PTCH1: variants seen among roughly 807,000 people sequenced by gnomAD.
PTCH1 encodes protein patched homolog 1.
A neutral mutation model predicts 144.6 loss-of-function variants in PTCH1; 14 were observed. That is an observed-to-expected ratio of 0.10 (90% confidence interval 0.06 to 0.15). The LOEUF (loss-of-function observed/expected upper bound fraction) is 0.15. Among genes scored for constraint, PTCH1 ranks in the 10% least tolerant of loss-of-function variants. The probability of loss-of-function intolerance (pLI) is 1.00; values close to 1 mark genes in which losing one functional copy is unlikely to be tolerated. For synonymous variants in PTCH1, 833 were observed against 793.6 expected, an observed-to-expected ratio of 1.05 and a Z score of -0.83; for missense variants, 1,623 against 1,948.3, an observed-to-expected ratio of 0.83 and a Z score of 3.14.
At chr9:95,506,699 T>A in intron 1 of PTCH1, 100 bp from the exon 2 acceptor site, 2 of 1,045,758 alleles carry the variant, frequency 1.9e-6, no homozygotes, top group Non-Finnish European at 2.5e-6. Flanking sequence ...CCAACAGCCG[T>A]GGGGGCGCGG....
intron 18 of PTCH1, among the ~76,000 whole-genome samples, chr9:95,457,693 T>C (rs1229050652): frequency 6.6e-6 from 1 of 152,190 alleles, no homozygotes. Context: ...ATGACACTTT[T>C]CAATTAAAGA....
At chr9:95,506,692 A>ACAGC in intron 1 of PTCH1, 93 bp from the exon 2 acceptor site, 5 of 1,084,862 alleles carry the variant, frequency 4.6e-6, no homozygotes, top group Non-Finnish European at 6.1e-6. Flanking sequence ...TGAGCCCCCA[A>ACAGC]CAGCCGTGGG....
At chr9:95,515,026 G>A (rs1220581943) in intron 1 of PTCH1, among the ~76,000 whole-genome samples, 1 of 152,092 alleles carries the variant, frequency 6.6e-6, no homozygotes, top group African/African-American at 2.4e-5. Flanking sequence ...ACTCACAATC[G>A]AAAGCCCCTT....
At chr9:95,485,906 GC>G (rs1564063500) in intron 2 of PTCH1, 32 bp from the exon 3 acceptor site, 6 of 1,610,758 alleles carry the variant, frequency 3.7e-6, no homozygotes, top group Non-Finnish European at 5.1e-6. Flanking sequence ...AATTAGAATA[GC>G]AAAATCACTG....
Position 95,508,735 on chromosome 9 carries a change from A to G in PTCH1, c.-374T>C, listed in dbSNP as rs1843961484. 3 of 984,154 alleles carry G rather than the reference A, an allele frequency of 3.0e-6. No homozygotes were observed. Among genetic ancestry groups the G allele is most frequent in the Non-Finnish European group, 3.6e-6 (3 of 829,618 alleles). The allele number at this position is 984,154 out of a possible 1,614,324, so 61.0% of individuals were successfully genotyped here. On this transcript the variant is annotated 5_prime_UTR_variant, in exon 1 of 24. Transcript: ENST00000331920. ...TTCCGCGGCACTCCTTGCGGTCCCC[A>G]ACTCCCCCTACCCGCCCCCCGCCCC...
chr9:95,502,811 CA>C (rs1420043732), intron 2 of PTCH1, among the ~76,000 whole-genome samples: 11 of 152,122 alleles, frequency 7.2e-5, no homozygotes, highest in African/African-American at 2.4e-4. Context: ...TTTATAAAGC[CA>C]ACTCTTTATA....
chr9:95,514,903 G>A (rs1364173403), intron 1 of PTCH1, among the ~76,000 whole-genome samples: 2 of 152,080 alleles, frequency 1.3e-5, no homozygotes, highest in East Asian at 1.9e-4. Context: ...TGAGAATGGC[G>A]GGGCCTATTG....
rs1843992056 is a variant in PTCH1, at chr9:95,509,058, T to C, written c.-697A>G. 6.6e-6 allele frequency among the ~76,000 whole-genome samples: 1 copy of C among 152,020 alleles called. No individual in the cohort carries two copies. The highest frequency in any genetic ancestry group is 1.5e-5 in the Non-Finnish European group (1 of 67,968). On this transcript the variant is annotated 5_prime_UTR_variant, in exon 1 of 24. Transcript: ENST00000331920. ...GCGGTGGCTGCTCGGTCCCGGACTC[T>C]GCTTTCTTGTGCTCCTCGGCAACCC... is the stretch of plus-strand genomic sequence containing the variant.
At chr9:95,480,839 T>G (rs1272136124) in intron 5 of PTCH1, among the ~76,000 whole-genome samples, 3 of 152,204 alleles carry the variant, frequency 2.0e-5, no homozygotes, top group African/African-American at 7.2e-5. Context: ...TGAATAATCT[T>G]TAATTGCTGA....
At position 95,458,052 on chromosome 9, in the gene PTCH1, G is replaced by C. The variant is rs746220311; in HGVS notation, c.3129C>G (p.Cys1043Trp). The change falls in exon 18 of 24, where the codon TGC becomes TGG. Residue 1043 changes from cysteine (C) to tryptophan (W), a missense_variant. Coordinates refer to ENST00000331920, the MANE Select transcript of PTCH1 (RefSeq NM_000264.5). The surrounding 1 kb of genome is among the most constrained non-coding windows in gnomAD (Gnocchi z 4.7). ...SVVLACTFLV[C>W]AVFLLNPWTA... is the part of the protein sequence containing the mutation. ...TCCAGGGGTTCAGAAGGAAGACAGC[G>C]CACACGAGGAATGTGCAGGCCAACA... is the stretch of plus-strand genomic sequence containing the variant. The C allele has an allele frequency of 6.2e-7, 1 of 1,614,142 alleles. No individual in the cohort carries two copies. Among genetic ancestry groups the C allele is most frequent in the African/African-American group, 1.3e-5 (1 of 75,044 alleles).
rs755460314 is a variant in PTCH1, at chr9:95,456,143, G to A, written c.3306+133C>T. The A allele has an allele frequency of 6.7e-6, 9 of 1,344,218 alleles. No individual in the cohort carries two copies. In the Admixed American group the frequency reaches 1.2e-4, roughly 18 times the overall value. The allele number at this position is 1,344,218 out of a possible 1,614,324, so 83.3% of individuals were successfully genotyped here. A position where few individuals can be genotyped will look rare whatever the true frequency, so the allele number is the denominator to read the frequency against. ...TCCAGAAATCTTGCAGGCTCTCCTA[G>A]GGGGCCCCTGTGCCCTGAGGCCTTT... On this transcript the variant is annotated intron_variant, in intron 19 of 23. Transcript: ENST00000331920.
At chr9:95,464,106 G>A (rs1016707368) in intron 15 of PTCH1, among the ~76,000 whole-genome samples, 8 of 152,218 alleles carry the variant, frequency 5.3e-5, no homozygotes, top group African/African-American at 1.9e-4. Context: ...AATCCACACT[G>A]CTGGTCACTT....
intron 1 of PTCH1, chr9:95,507,228 C>T: frequency 1.0e-6 from 1 of 985,524 alleles, no homozygotes; most frequent in Non-Finnish European, 1.2e-6. Context: ...CTGCAACTTA[C>T]GACAATATTT....
At chr9:95,502,978 T>TAC (rs1218909758) in intron 2 of PTCH1, among the ~76,000 whole-genome samples, 1 of 152,182 alleles carries the variant, frequency 6.6e-6, no homozygotes, top group South Asian at 2.1e-4. Context: ...ACAATGTGCA[T>TAC]ACACACACAC....
At position 95,508,851 on chromosome 9, in the gene PTCH1, C is replaced by T; in HGVS notation, c.-490G>A. 1.0e-6 allele frequency: 1 copy of T among 983,350 alleles called. No homozygotes were observed. Among genetic ancestry groups the T allele is most frequent in the Non-Finnish European group, 1.2e-6 (1 of 829,018 alleles). The allele number at this position is 983,350 out of a possible 1,614,324, so 60.9% of individuals were successfully genotyped here. On this transcript the variant is annotated 5_prime_UTR_variant, in exon 1 of 24. Coordinates refer to ENST00000331920, the MANE Select transcript of PTCH1 (RefSeq NM_000264.5). ...CTCTCTCGGCGCCTCCCGGGTCGCCCGAGCGGCCGCGGAGGGCAAGCGCAG... is the reference window on the plus strand; with the variant it reads ...CTCTCTCGGCGCCTCCCGGGTCGCCTGAGCGGCCGCGGAGGGCAAGCGCAG...
rs1001818327 is a variant in PTCH1 at position 95,476,237 on chromosome 9, G to A, written c.1603-78C>T. The stretch of plus-strand genomic sequence containing the variant: ...GAGCACAGACTGTGTGAGCAGATAC[G>A]TGGCAGAATAACACAACTGTTATTA... On this transcript the variant is annotated intron_variant, in intron 11 of 23. Coordinates refer to ENST00000331920, the MANE Select transcript of PTCH1 (RefSeq NM_000264.5). This position sits in a 1 kb window ranked among gnomAD's most constrained non-coding sequence, Gnocchi z 4.6. 15 of 1,552,238 alleles carry A rather than the reference G, an allele frequency of 9.7e-6. No individual in the cohort carries two copies. Among genetic ancestry groups the A allele is most frequent in the East Asian group, 2.4e-5 (1 of 42,042 alleles).
rs549164233 is a variant in PTCH1 at position 95,458,025 on chromosome 9, C to T, written c.3156G>A (p.Thr1052=). The T allele has an allele frequency of 5.0e-6, 8 of 1,614,106 alleles. No homozygotes were observed. Among genetic ancestry groups the T allele is most frequent in the Admixed American group, 1.7e-5 (1 of 60,028 alleles). The change falls in exon 18 of 24, where the codon ACG becomes ACA. Residue 1052 remains threonine (T), a synonymous_variant. Transcript: ENST00000331920. The surrounding 1 kb of genome is among the most constrained non-coding windows in gnomAD (Gnocchi z 4.7). ...VCAVFLLNPW[T]AGIIVMVLAL... ...ATAATACACTCACAATGATCCCGGC[C>T]GTCCAGGGGTTCAGAAGGAAGACAG...
chr9:95,510,993 G>C (rs1005576512), upstream of PTCH1, among the ~76,000 whole-genome samples: 5 of 149,982 alleles, frequency 3.3e-5, no homozygotes, highest in Non-Finnish European at 7.4e-5. Flanking sequence ...AGCCGGCGCG[G>C]ACGGACGTGC....
rs769236283 is a variant in PTCH1 at position 95,446,347 on chromosome 9, G to A, written c.*46C>T. On this transcript the variant is annotated 3_prime_UTR_variant, in exon 24 of 24. Transcript: ENST00000331920. ...GCAGTTCTGGAAAGAGGTGGGGGTG[G>A]GGGGTTTCCAATCTTTGGCCTCTTT... 1 of 517,854 alleles carries A rather than the reference G, an allele frequency of 1.9e-6. No individual in the cohort carries two copies. Among genetic ancestry groups the A allele is most frequent in the South Asian group, 1.4e-5 (1 of 71,160 alleles). 32.1% of individuals were successfully genotyped at this position (517,854 alleles called of 1,614,324 possible).
Sources: allele counts gnomAD v4.1 joint callset (sites outside exome capture counted in the v4.1 genomes callset), GRCh38; gene constraint gnomAD v4.1.1; non-coding constraint Gnocchi (gnomAD v3.1); transcripts MANE v1.5; gene names NCBI Gene and HGNC (gene_info 2026-07-23, HGNC 2026-07-21).